SOD2: variants seen among roughly 807,000 people sequenced by gnomAD.
SOD2 encodes the protein superoxide dismutase 2, also known as superoxide dismutase [Mn], mitochondrial.
SOD2 carries 11 observed loss-of-function variants against 27.0 expected under a neutral mutation model. The ratio of observed to expected loss-of-function variants is 0.41; its 90% CI spans 0.26 to 0.67. SOD2 has a LOEUF of 0.67. SOD2 is among the 30% of genes least tolerant of loss of function. The pLI is 0.34. For synonymous variants in SOD2, 105 were observed against 103.0 expected, an observed-to-expected ratio of 1.02 and a Z score of -0.12; for missense variants, 250 against 274.5, an observed-to-expected ratio of 0.91 and a Z score of 0.63.
At chr6:159,712,345 CATA>C (rs1413567022) in intron 1 of SOD2, among the ~76,000 whole-genome samples, 25 of 143,408 alleles carry the variant, frequency 1.7e-4, no homozygotes, top group Non-Finnish European at 3.2e-4. Flanking sequence ...TAACCACCTC[CATA>C]ACCACCACTC....
intron 1 of SOD2, among the ~76,000 whole-genome samples, chr6:159,712,131 A>G (rs1220821140): frequency 1.8e-4 from 6 of 32,888 alleles, no homozygotes; most frequent in African/African-American, 3.9e-4. Flanking sequence ...CTCCATAACC[A>G]CCTCCATAAC....
chr6:159,685,180 C>A, intron 3 of SOD2, 147 bp from the exon 4 acceptor site: 11 of 210,438 alleles, frequency 5.2e-5, no homozygotes, highest in East Asian at 1.8e-4. Flanking sequence ...ATCTAAGTTT[C>A]ACAATTTTAA....
upstream of SOD2, among the ~76,000 whole-genome samples, chr6:159,727,980 G>A (rs1426094788): frequency 6.6e-6 from 1 of 152,256 alleles, no homozygotes; most frequent in Admixed American, 6.5e-5. Flanking sequence ...GAGGCCGGAG[G>A]ATGCCCTCCC....
Position 159,713,844 on chromosome 6 carries a change from C to T in SOD2, c.-116+13285G>A. 2.7e-6 allele frequency: 3 copies of T among 1,102,292 alleles called. No individual in the cohort carries two copies. The South Asian group carries it at 4.0e-5, about 15-fold the overall frequency. 68.3% of individuals were successfully genotyped at this position (1,102,292 alleles called of 1,614,324 possible). A position where few individuals can be genotyped will look rare whatever the true frequency, so the allele number is the denominator to read the frequency against. On this transcript the variant is annotated intron_variant, in intron 1 of 2. Coordinates refer to the SOD2 transcript ENST00000401980. The stretch of plus-strand genomic sequence containing the variant: ...AATGCTTCACCACTTGGTCTGCCTT[C>T]TCCGGTGTAGATGAAACAAATACCT...
At chr6:159,685,899 G>A (rs898194828) in intron 3 of SOD2, among the ~76,000 whole-genome samples, 1 of 152,036 alleles carries the variant, frequency 6.6e-6, no homozygotes, top group Non-Finnish European at 1.5e-5. Context: ...ATCTTTGTTA[G>A]GAAAGAAATA....
intron 2 of SOD2, among the ~76,000 whole-genome samples, chr6:159,689,963 A>G (rs2114784120): frequency 6.7e-6 from 1 of 149,124 alleles, no homozygotes; most frequent in African/African-American, 2.5e-5. Context: ...CCGTCACAGA[A>G]AAAAAAAAAG....
intron 1 of SOD2, among the ~76,000 whole-genome samples, chr6:159,740,098 G>A (rs537481884): frequency 6.6e-6 from 1 of 151,866 alleles, no homozygotes; most frequent in East Asian, 1.9e-4. Context: ...TCTCACCTTG[G>A]CCTCCCAAAG....
intron 1 of SOD2, among the ~76,000 whole-genome samples, chr6:159,719,571 A>G (rs1777989649): frequency 6.7e-6 from 1 of 148,786 alleles, no homozygotes; most frequent in South Asian, 2.2e-4. Flanking sequence ...GTCTGCAGTG[A>G]GCCAAGATCA....
intron 1 of SOD2, among the ~76,000 whole-genome samples, chr6:159,703,376 C>T (rs1159823674): frequency 1.3e-5 from 2 of 149,772 alleles, no homozygotes; most frequent in Non-Finnish European, 3.0e-5. Context: ...AAGAAAGCAG[C>T]TTACTACATG....
chr6:159,725,514 T>C (rs1357668414), intron 1 of SOD2: 1 of 151,796 alleles, frequency 6.6e-6, no homozygotes, highest in Non-Finnish European at 1.5e-5. Context: ...ATAATTATTT[T>C]TTCTGTGTAT....
upstream of SOD2, chr6:159,748,443 A>G: frequency 6.4e-7 from 1 of 1,573,696 alleles, no homozygotes; most frequent in Non-Finnish European, 8.6e-7. The surrounding 1 kb of genome is among the most constrained non-coding windows in gnomAD (Gnocchi z 5.6). Flanking sequence ...GGGACAGCCA[A>G]GTACTCGTTT....
chr6:159,713,841 CT>C, intron 1 of SOD2: 2 of 1,108,166 alleles, frequency 1.8e-6, no homozygotes, highest in Non-Finnish European at 2.7e-6. Context: ...CTTGGTCTGC[CT>C]TCTCCGGTGT....
At chr6:159,712,106 CTCAGCTGCTCAGACCT>C in intron 1 of SOD2, among the ~76,000 whole-genome samples, 2 of 44,278 alleles carry the variant, frequency 4.5e-5, no homozygotes, top group Non-Finnish European at 5.9e-5. Flanking sequence ...ATAACCACCA[CTCAGCTGCTCAGACCT>C]CCATAACCAC....
chr6:159,715,360 T>C (rs1247358646), intron 1 of SOD2, among the ~76,000 whole-genome samples: 2 of 152,110 alleles, frequency 1.3e-5, no homozygotes, highest in East Asian at 1.9e-4. Flanking sequence ...AGTAGAACCA[T>C]TGCTTAAGGC....
chr6:159,761,882 G>T (rs1423371293), exon 1 of SOD2: 2 of 312,246 alleles, frequency 6.4e-6, no homozygotes, highest in Non-Finnish European at 1.1e-5. Context: ...CGCGCCCCGC[G>T]CCCCGCGCCC....
intron 2 of SOD2, among the ~76,000 whole-genome samples, chr6:159,690,736 G>C (rs1022543535): frequency 6.6e-6 from 1 of 151,950 alleles, no homozygotes; most frequent in South Asian, 2.1e-4. Context: ...TTTAAAATGG[G>C]AAAGATACAT....
chr6:159,702,717 GGT>G (rs1421510660), intron 1 of SOD2, among the ~76,000 whole-genome samples: 1 of 150,586 alleles, frequency 6.6e-6, no homozygotes, highest in African/African-American at 2.4e-5. Context: ...CAGGCATGGT[GGT>G]GTGCGCCTGT....
chr6:159,752,198 TAGA>T (rs1285499412), intron 1 of SOD2, among the ~76,000 whole-genome samples: 5 of 152,284 alleles, frequency 3.3e-5, no homozygotes, highest in African/African-American at 1.2e-4. Flanking sequence ...AAAGCCTCAC[TAGA>T]AGAAGGAAAG....
At chr6:159,692,553 A>C (rs1315240015) in intron 2 of SOD2, 108 bp downstream of exon 2, 3 of 1,544,658 alleles carry the variant, frequency 1.9e-6, no homozygotes, top group African/African-American at 1.4e-5. Flanking sequence ...GAACCGGTAC[A>C]AATACGAAGC....
Sources: gnomAD v4.1 joint callset for allele counts (sites outside exome capture counted in the v4.1 genomes callset) on GRCh38, gnomAD v4.1.1 for gene constraint, Gnocchi (gnomAD v3.1) non-coding constraint, MANE v1.5 for transcripts, NCBI Gene and HGNC (gene_info 2026-07-23, HGNC 2026-07-21) for gene names.